Variants in PFKP observed in about 807,000 individuals in gnomAD.
PFKP encodes phosphofructokinase, platelet.
In PFKP, 101 loss-of-function variants were observed where a neutral mutation model predicts 94.3. The ratio of observed to expected loss-of-function variants is 1.07; its 90% CI spans 0.91 to 1.26. PFKP has a LOEUF of 1.26. Among genes scored for constraint, PFKP ranks in the 50% most tolerant of loss-of-function variants. The pLI, the probability that PFKP is intolerant of heterozygous loss-of-function variation, is 0.00. For synonymous variants in PFKP, 573 were observed against 432.6 expected (o/e 1.32, Z -4.03); for missense variants, 1,145 against 1,103.3 (o/e 1.04, Z -0.53).
At chr10:3,083,431 A>G (rs1242145550) in intron 2 of PFKP, among the ~76,000 whole-genome samples, 1 of 152,206 alleles carries the variant, frequency 6.6e-6, no homozygotes. Context: ...TTTAAAAATG[A>G]GAAGAAGGTA....
At chr10:3,107,943 C>G (rs1051368715) in intron 8 of PFKP, 1 of 1,289,616 alleles carries the variant, frequency 7.8e-7, no homozygotes, top group Admixed American at 2.3e-5. Flanking sequence ...CCAGCAGCCA[C>G]GGGGCAGAAG....
intron 20 of PFKP, 70 bp downstream of exon 20, chr10:3,134,652 C>G (rs868558686): frequency 5.1e-5 from 50 of 980,186 alleles, no homozygotes; most frequent in Admixed American, 2.3e-4. Context: ...AAATGCTGTC[C>G]TATCGGGGAG....
intron 3 of PFKP, among the ~76,000 whole-genome samples, chr10:3,099,713 A>G (rs1286454541): frequency 6.6e-6 from 1 of 152,198 alleles, no homozygotes; most frequent in African/African-American, 2.4e-5. Flanking sequence ...AGGTGGAGCA[A>G]CGTTTGCAAA....
At chr10:3,084,215 GA>G in intron 2 of PFKP, among the ~76,000 whole-genome samples, 1 of 152,322 alleles carries the variant, frequency 6.6e-6, no homozygotes, top group Admixed American at 6.5e-5. Flanking sequence ...AGTAATTCCT[GA>G]AACCTGTCCA....
intron 1 of PFKP, among the ~76,000 whole-genome samples, chr10:3,069,826 T>C (rs1368096636): frequency 6.6e-6 from 1 of 152,204 alleles, no homozygotes; most frequent in Non-Finnish European, 1.5e-5. Flanking sequence ...GCGCGGGAGT[T>C]TGTGTACAGG....
intron 13 of PFKP, among the ~76,000 whole-genome samples, chr10:3,114,155 C>CTTTT (rs72054829): frequency 6.8e-6 from 1 of 147,548 alleles, no homozygotes; most frequent in Non-Finnish European, 1.5e-5. Flanking sequence ...TTGTGAAATT[C>CTTTT]TTTTTTTTTT....
At position 3,079,393 on chromosome 10, in the gene PFKP, C is replaced by T. The variant is rs181875417; in HGVS notation, c.113-2995C>T. Among the ~76,000 whole-genome samples the T allele has an allele frequency of 6.1e-3, 921 of 152,040 alleles. 9 individuals are homozygous for T. Among genetic ancestry groups the T allele is most frequent in the African/African-American group, 0.021 (865 of 41,484 alleles). On this transcript the variant is annotated intron_variant, in intron 1 of 21. Coordinates refer to ENST00000381125, the MANE Select transcript of PFKP (RefSeq NM_002627.5). Reference sequence around the variant, plus strand: ...GGGACTACAGGTGCCCGCCACCACGCCTGGCTAATTTTTTGTATTTTTAGT... The same window carrying T: ...GGGACTACAGGTGCCCGCCACCACGTCTGGCTAATTTTTTGTATTTTTAGT...
chr10:3,107,006 TCCTC>T (rs1564310823), intron 7 of PFKP, among the ~76,000 whole-genome samples: 1 of 22,526 alleles, frequency 4.4e-5, no homozygotes. Context: ...CCCCTGCCCC[TCCTC>T]TCACCCCTGT....
chr10:3,114,022 C>T (rs2388566), intron 13 of PFKP, among the ~76,000 whole-genome samples: 134,062 of 151,884 alleles, frequency 0.88, 59,917 homozygotes, highest in East Asian at 0.99. Context: ...CCATTTTCCT[C>T]ACAAGAAAAC....
At chr10:3,087,809 T>G (rs967084641) in intron 2 of PFKP, among the ~76,000 whole-genome samples, 9 of 152,110 alleles carry the variant, frequency 5.9e-5, no homozygotes, top group Non-Finnish European at 1.3e-4. Context: ...TCCTCCAGTG[T>G]AGCCCAGGCA....
intron 11 of PFKP, among the ~76,000 whole-genome samples, chr10:3,112,716 T>C (rs1266494108): frequency 6.6e-6 from 1 of 152,170 alleles, no homozygotes; most frequent in Non-Finnish European, 1.5e-5. Flanking sequence ...TACCAGTGCA[T>C]GTCACCACAT....
intron 2 of PFKP, among the ~76,000 whole-genome samples, chr10:3,084,715 G>GTCCTCC (rs1564274541): frequency 3.7e-5 from 2 of 53,482 alleles, no homozygotes; most frequent in African/African-American, 6.2e-5. Context: ...CCCTCCCCAG[G>GTCCTCC]AGAGTCCTCC....
rs201726381 is a variant in PFKP at position 3,109,402 on chromosome 10, C to T, written c.1011C>T (p.Thr337=). ...VEAVIALLEA[T]PDTPACVVSL... ...CAGTCATCGCCTTGCTAGAGGCCAC[C>T]CCGGACACCCCAGCTTGCGTCGTGT... Residue 337 remains threonine, a synonymous_variant, in exon 10 of 22, where the codon ACC becomes ACT. Transcript: ENST00000381125. 46 of 1,610,592 alleles carry T rather than the reference C, an allele frequency of 2.9e-5. No individual in the cohort carries two copies. Among genetic ancestry groups the T allele is most frequent in the Non-Finnish European group, 3.8e-5 (45 of 1,179,994 alleles).
At chr10:3,130,581 A>G (rs1313670144) in intron 17 of PFKP, among the ~76,000 whole-genome samples, 1 of 151,078 alleles carries the variant, frequency 6.6e-6, no homozygotes, top group Admixed American at 6.6e-5. Context: ...CTTTATTTAG[A>G]GAGGGAGTCT....
In PFKP at chr10:3,077,948, C is replaced by T. The variant is rs377461184; in HGVS notation, c.113-4440C>T. Among the ~76,000 whole-genome samples the T allele has an allele frequency of 3.2e-4, 48 of 152,300 alleles. 1 individual carries two copies. The highest frequency in any genetic ancestry group is 2.5e-3 in the South Asian group (12 of 4,826). ...TGAAAACTGGGATTTTTGCAAATTA[C>T]GAAGCGGTGTTTTTCCAAATGTTAA... On this transcript the variant is annotated intron_variant, in intron 1 of 21. Coordinates refer to ENST00000381125, the MANE Select transcript of PFKP (RefSeq NM_002627.5).
intron 21 of PFKP, among the ~76,000 whole-genome samples, chr10:3,136,115 TG>T: frequency 6.6e-6 from 1 of 151,988 alleles, no homozygotes; most frequent in East Asian, 1.9e-4. Context: ...AATACAAAAA[TG>T]AGCCAGGCAT....
intron 2 of PFKP, among the ~76,000 whole-genome samples, chr10:3,090,646 G>A (rs1213784342): frequency 6.6e-6 from 1 of 152,000 alleles, no homozygotes; most frequent in Non-Finnish European, 1.5e-5. Flanking sequence ...GCAATTCTTG[G>A]TGGGCGGTCC....
chr10:3,075,422 C>G (rs1486368460), intron 1 of PFKP, among the ~76,000 whole-genome samples: 2 of 151,580 alleles, frequency 1.3e-5, no homozygotes, highest in Non-Finnish European at 2.9e-5. Flanking sequence ...ATTGAAGAGC[C>G]GATTCCAGAG....
At chr10:3,111,953 G>T (rs760740969) in intron 10 of PFKP, among the ~76,000 whole-genome samples, 2 of 152,184 alleles carry the variant, frequency 1.3e-5, no homozygotes, top group African/African-American at 2.4e-5. Context: ...CAAACAGCAG[G>T]TGACACCTTC....
Sources: gnomAD v4.1 joint callset for allele counts (sites outside exome capture counted in the v4.1 genomes callset) on GRCh38, gnomAD v4.1.1 for gene constraint, MANE v1.5 for transcripts, NCBI Gene and HGNC (gene_info 2026-07-23, HGNC 2026-07-21) for gene names.